TEX2: variants seen among roughly 807,000 people sequenced by gnomAD.
The protein encoded by TEX2 is testis expressed 2, also known as testis-expressed protein 2.
A neutral mutation model predicts 106.9 loss-of-function variants in TEX2; 53 were observed. The observed-to-expected ratio is 0.50, with a 90% CI of 0.40 to 0.62. The LOEUF (loss-of-function observed/expected upper bound fraction) is 0.62, where lower values mean the gene tolerates loss of function less well. Among genes scored for constraint, TEX2 ranks in the 20% least tolerant of loss-of-function variants. The probability of loss-of-function intolerance (pLI) is 0.00; values close to 1 mark genes in which losing one functional copy is unlikely to be tolerated. For missense variants in TEX2, 1,207 were observed against 1,379.0 expected, an observed-to-expected ratio of 0.88 and a Z score of 1.98; for synonymous variants, 523 against 534.8, an observed-to-expected ratio of 0.98 and a Z score of 0.30.
At chr17:64,219,281 G>C (rs1465789489) in intron 1 of TEX2, among the ~76,000 whole-genome samples, 3 of 152,094 alleles carry the variant, frequency 2.0e-5, no homozygotes, top group African/African-American at 7.2e-5. Flanking sequence ...TGAGGTGGGT[G>C]GATCCCTTGA....
intron 6 of TEX2, among the ~76,000 whole-genome samples, chr17:64,173,868 C>G (rs1251782952): frequency 6.6e-6 from 1 of 151,372 alleles, no homozygotes; most frequent in Non-Finnish European, 1.5e-5. Flanking sequence ...TTTTTTGAAA[C>G]AGGATTTCGC....
chr17:64,213,753 C>G lies in TEX2; in HGVS notation c.465G>C (p.Glu155Asp), dbSNP rs2033098734. 1 of 1,614,132 alleles carries G rather than the reference C, an allele frequency of 6.2e-7. No homozygotes were observed. Among genetic ancestry groups the G allele is most frequent in the Admixed American group, 1.7e-5 (1 of 60,012 alleles). Residue 155 changes from glutamate to aspartate, a missense_variant, in exon 2 of 12, where the codon GAG (glutamate) becomes GAC (aspartate). Physicochemically the swap from Glu to Asp is conservative, Grantham distance 45 (BLOSUM62 2). Transcript: ENST00000584379. The surrounding 1 kb of genome is among the most constrained non-coding windows in gnomAD (Gnocchi z 4.4). Reference protein sequence around the residue: ...ASSPSVSSLSEQKTSSSSPLS... With the variant: ...ASSPSVSSLSDQKTSSSSPLS... Reference sequence around the variant, plus strand: ...ATGGGGAGGAAGAACTGGTTTTCTGCTCAGAAAGGGATGACACACTGGGAG... The same window carrying G: ...ATGGGGAGGAAGAACTGGTTTTCTGGTCAGAAAGGGATGACACACTGGGAG...
intron 2 of TEX2, among the ~76,000 whole-genome samples, chr17:64,211,015 G>A (rs1456777246): frequency 6.6e-6 from 1 of 152,004 alleles, no homozygotes; most frequent in Non-Finnish European, 1.5e-5. Flanking sequence ...AGGCTGGAGT[G>A]CAGTGGCGCA....
At chr17:64,215,217 G>A (rs1466525495) in intron 1 of TEX2, among the ~76,000 whole-genome samples, 2 of 152,174 alleles carry the variant, frequency 1.3e-5, no homozygotes, top group African/African-American at 4.8e-5. Context: ...CCCATTTACT[G>A]GGCACTAGCC....
chr17:64,183,431 T>C (rs960173682), intron 5 of TEX2, among the ~76,000 whole-genome samples: 2 of 152,146 alleles, frequency 1.3e-5, no homozygotes, highest in African/African-American at 4.8e-5. Flanking sequence ...AATTTCTTTC[T>C]TTCTTTCTTT....
chr17:64,253,503 A>T lies in TEX2; in HGVS notation c.-26+9665T>A, dbSNP rs576039067. Among the ~76,000 whole-genome samples the T allele has an allele frequency of 5.3e-5, 8 of 152,096 alleles. No homozygotes were observed. The East Asian group carries it at 7.7e-4, about 15-fold the overall frequency. On this transcript the variant is annotated intron_variant, in intron 1 of 11. Coordinates refer to ENST00000584379, the MANE Select transcript of TEX2 (RefSeq NM_001288732.2). The stretch of plus-strand genomic sequence containing the variant: ...TTTAAAGACCACTCAGACTGCTGAG[A>T]GGTGAAGAGATTAGAAAGGAGTAGA...
chr17:64,245,228 C>A (rs1447880290), intron 1 of TEX2, among the ~76,000 whole-genome samples: 1 of 152,108 alleles, frequency 6.6e-6, no homozygotes, highest in Non-Finnish European at 1.5e-5. Flanking sequence ...GAGAAAATTG[C>A]AAAATAATTT....
rs2030849235 is a variant in TEX2, at chr17:64,160,818, T to G, written c.2787A>C (p.Gly929=). The G allele has an allele frequency of 6.2e-7, 1 of 1,614,046 alleles. No homozygotes were observed. The highest frequency in any genetic ancestry group is 8.5e-7 in the Non-Finnish European group (1 of 1,179,998). The part of the protein sequence containing the change: ...KEPLVEALKV[G]EIGKEGCRPR... The stretch of plus-strand genomic sequence containing the variant: ...CCCCTTACCCTTCTTTGCCAATTTC[T>G]CCAACCTTCAGGGCTTCAACAAGAG... Residue 929 remains glycine, a synonymous_variant, in exon 8 of 12, where the codon GGA becomes GGC. Transcript: ENST00000584379.
Position 64,195,191 on chromosome 17 carries a change from C to A in TEX2, c.1645-96G>T. ...ACTGTGGTATTTGGGACACTGAAAC[C>A]AAACTTGATCACGACACAGATATCA... On this transcript the variant is annotated intron_variant, in intron 2 of 11. Transcript: ENST00000584379. The surrounding 1 kb of genome is among the most constrained non-coding windows in gnomAD (Gnocchi z 4.1). 1 of 1,096,094 alleles carries A rather than the reference C, an allele frequency of 9.1e-7. No individual in the cohort carries two copies. Among genetic ancestry groups the A allele is most frequent in the Non-Finnish European group, 1.4e-6 (1 of 739,104 alleles). 67.9% of individuals were successfully genotyped at this position (1,096,094 alleles called of 1,614,324 possible).
intron 4 of TEX2, among the ~76,000 whole-genome samples, chr17:64,189,984 CAA>C (rs749574684): frequency 1.6e-4 from 18 of 109,772 alleles, no homozygotes; most frequent in East Asian, 2.5e-4. Flanking sequence ...GACTCTGTCT[CAA>C]AAAAAAAAAA....
chr17:64,154,890 G>A lies in TEX2; in HGVS notation c.2882C>T (p.Ala961Val), dbSNP rs1340438363. The A allele has an allele frequency of 4.4e-6, 7 of 1,608,966 alleles. No homozygotes were observed. Among genetic ancestry groups the A allele is most frequent in the Non-Finnish European group, 5.9e-6 (7 of 1,178,320 alleles). Reference sequence around the variant, plus strand: ...TTTGTCTCCCCCGCTGGGCTCTGGGGCATCGTCTTCCTCGGAGGAGCCAGC... The same window carrying A: ...TTTGTCTCCCCCGCTGGGCTCTGGGACATCGTCTTCCTCGGAGGAGCCAGC... The part of the protein sequence containing the change: ...SSAGSSEEDD[A>V]PEPSGGDKQL... The change falls in exon 9 of 12, where the codon GCC (alanine) becomes GTC (valine). Residue 961 changes from alanine (A) to valine (V), a missense_variant. This residue lies in a region of TEX2 where 1,067 missense variants were observed against 1,193.6 expected (regional missense o/e 0.89). Coordinates refer to ENST00000584379, the MANE Select transcript of TEX2 (RefSeq NM_001288732.2).
intron 1 of TEX2, among the ~76,000 whole-genome samples, chr17:64,218,249 A>G (rs1406886723): frequency 2.0e-5 from 3 of 149,780 alleles, no homozygotes; most frequent in Non-Finnish European, 4.5e-5. Context: ...CTGACTCCAG[A>G]AAAAAAAAAG....
intron 1 of TEX2, among the ~76,000 whole-genome samples, chr17:64,216,207 C>T (rs1005188276): frequency 1.3e-5 from 2 of 152,172 alleles, no homozygotes; most frequent in Non-Finnish European, 2.9e-5. Flanking sequence ...CAGGACAATC[C>T]TTCCCTGTTA....
intron 4 of TEX2, among the ~76,000 whole-genome samples, chr17:64,189,914 G>T (rs2032230798): frequency 6.6e-6 from 1 of 151,826 alleles, no homozygotes; most frequent in African/African-American, 2.4e-5. Flanking sequence ...CAACCTGGGA[G>T]GCGGAGGTTG....
chr17:64,229,699 C>T (rs368882287), intron 1 of TEX2, among the ~76,000 whole-genome samples: 9 of 152,064 alleles, frequency 5.9e-5, no homozygotes, highest in Non-Finnish European at 1.2e-4. Context: ...TGCTCTGTTT[C>T]CTATACAAGG....
At chr17:64,257,943 G>A (rs530649072) in intron 1 of TEX2, among the ~76,000 whole-genome samples, 38 of 149,758 alleles carry the variant, frequency 2.5e-4, no homozygotes, top group Admixed American at 1.9e-3. Flanking sequence ...ATGGAGTCTC[G>A]CTCTGTCGCC....
chr17:64,250,947 C>T (rs1033029310), intron 1 of TEX2, among the ~76,000 whole-genome samples: 1 of 152,174 alleles, frequency 6.6e-6, no homozygotes, highest in African/African-American at 2.4e-5. Context: ...CTGCCTCAGC[C>T]TCCCAAAGTG....
At chr17:64,198,729 T>C (rs1555629693) in intron 2 of TEX2, among the ~76,000 whole-genome samples, 2 of 144,752 alleles carry the variant, frequency 1.4e-5, no homozygotes, top group African/African-American at 2.5e-5. Flanking sequence ...TGATATAAGA[T>C]AGACATTACT....
intron 1 of TEX2, among the ~76,000 whole-genome samples, chr17:64,257,916 CT>C (rs566218290): frequency 1.6e-3 from 237 of 145,132 alleles, no homozygotes; most frequent in Middle Eastern, 3.5e-3. Flanking sequence ...TATAACCGTT[CT>C]TTTTTTTTTT....
Sources: allele counts gnomAD v4.1 joint callset (sites outside exome capture counted in the v4.1 genomes callset), GRCh38; gene constraint gnomAD v4.1.1; regional missense constraint gnomAD v4.1.1; non-coding constraint Gnocchi (gnomAD v3.1); transcripts MANE v1.5; gene names NCBI Gene and HGNC (gene_info 2026-07-23, HGNC 2026-07-21).